TEAD4: variants seen among roughly 807,000 people sequenced by gnomAD.
TEAD4 encodes the protein TEA domain transcription factor 4.
Under a neutral mutation model 52.4 loss-of-function variants are expected in TEAD4, and 36 were observed. The ratio of observed to expected loss-of-function variants is 0.69; its 90% CI spans 0.53 to 0.91. The LOEUF is 0.91. Among genes scored for constraint, TEAD4 ranks in the 40% least tolerant of loss-of-function variants. The pLI, the probability that TEAD4 is intolerant of heterozygous loss-of-function variation, is 0.00. For synonymous variants in TEAD4, 220 were observed against 231.0 expected, an observed-to-expected ratio of 0.95 and a Z score of 0.43; for missense variants, 508 against 583.9, an observed-to-expected ratio of 0.87 and a Z score of 1.34.
At chr12:3,000,705 G>A (rs1001370951) in intron 3 of TEAD4, among the ~76,000 whole-genome samples, 2 of 152,168 alleles carry the variant, frequency 1.3e-5, no homozygotes, top group African/African-American at 4.8e-5. Context: ...TCAGTCTAGA[G>A]GCGAGACTTC....
chr12:2,982,420 T>G (rs1184573923), intron 2 of TEAD4, among the ~76,000 whole-genome samples: 1 of 152,186 alleles, frequency 6.6e-6, no homozygotes, highest in Non-Finnish European at 1.5e-5. Context: ...TTTTTACTCT[T>G]CTGTTCACAG....
intron 2 of TEAD4, among the ~76,000 whole-genome samples, chr12:2,986,652 A>C (rs926171927): frequency 6.6e-6 from 1 of 150,656 alleles, no homozygotes. Flanking sequence ...AAAATAAAAA[A>C]AAATAAATAA....
chr12:2,963,158 A>G (rs2098217275), intron 2 of TEAD4, among the ~76,000 whole-genome samples: 1 of 152,200 alleles, frequency 6.6e-6, no homozygotes, highest in Non-Finnish European at 1.5e-5. Context: ...ATGAGCCGGC[A>G]GGTGAAGGTT....
At chr12:2,992,380 C>T (rs2098243851) in intron 2 of TEAD4, among the ~76,000 whole-genome samples, 1 of 152,120 alleles carries the variant, frequency 6.6e-6, no homozygotes, top group African/African-American at 2.4e-5. Context: ...GTGCCAGCTG[C>T]TTTGCCAAGC....
chr12:2,965,547 T>C (rs2098219538), intron 2 of TEAD4, among the ~76,000 whole-genome samples: 3 of 151,760 alleles, frequency 2.0e-5, no homozygotes, highest in Admixed American at 1.3e-4. Context: ...TCAAAAATAA[T>C]TTCAGTGTAA....
chr12:2,970,046 C>T (rs1208506461), intron 2 of TEAD4, among the ~76,000 whole-genome samples: 3 of 151,940 alleles, frequency 2.0e-5, no homozygotes, highest in African/African-American at 4.8e-5. Flanking sequence ...GGCAACATAG[C>T]GAGAACCCTG....
rs1017554433 is a variant in TEAD4 at position 3,002,083 on chromosome 12, C to T, written c.226+7091C>T. Among the ~76,000 whole-genome samples, 56 of 152,316 alleles carry T rather than the reference C, an allele frequency of 3.7e-4. 1 individual carries two copies. The highest frequency in any genetic ancestry group is 1.3e-3 in the African/African-American group (52 of 41,574). On this transcript the variant is annotated intron_variant, in intron 3 of 12. Transcript: ENST00000359864. Reference sequence around the variant, plus strand: ...CTCCATCCTGGATGACAGAGTGAGACTCCATCTCAAAAAGAAAAAAATGTA... The same window carrying T: ...CTCCATCCTGGATGACAGAGTGAGATTCCATCTCAAAAAGAAAAAAATGTA...
rs779726504 is a variant in TEAD4 at position 3,037,993 on chromosome 12, A to T, written c.923A>T (p.Asp308Val). 1.7e-5 allele frequency: 27 copies of T among 1,613,896 alleles called. 1 individual carries two copies. The highest frequency in any genetic ancestry group is 3.3e-4 in the Middle Eastern group (2 of 6,060). The change falls in exon 11 of 13, where the codon GAT (aspartate) becomes GTT (valine). Residue 308 changes from aspartate (D) to valine (V), a missense_variant. Transcript: ENST00000359864. Reference sequence around the variant, plus strand: ...GCAGACCTCAACACCAACATCGAGGATGAAGGCAGCTCCTTCTATGGGGTC... The same window carrying T: ...GCAGACCTCAACACCAACATCGAGGTTGAAGGCAGCTCCTTCTATGGGGTC...
intron 2 of TEAD4, among the ~76,000 whole-genome samples, chr12:2,966,305 G>A (rs375034073): frequency 5.9e-5 from 9 of 152,106 alleles, no homozygotes; most frequent in South Asian, 4.1e-4. Context: ...AGAGGTCCCC[G>A]TGATGTGCCG....
At chr12:3,034,627 AT>A (rs1014773790) in intron 10 of TEAD4, among the ~76,000 whole-genome samples, 9 of 152,110 alleles carry the variant, frequency 5.9e-5, no homozygotes, top group African/African-American at 2.2e-4. Flanking sequence ...GTGAATATGC[AT>A]TTTTTTAAAT....
chr12:3,010,945 C>G lies in TEAD4; in HGVS notation c.227-59C>G, dbSNP rs1469195754. On this transcript the variant is annotated intron_variant, in intron 3 of 12. Coordinates refer to ENST00000359864, the MANE Select transcript of TEAD4 (RefSeq NM_003213.4). ...CTCCGCAGAAGGTACCCCGCACCCC[C>G]TCACTGCTTCCAGCCTTTTGTCCTT... 4.4e-6 allele frequency: 7 copies of G among 1,602,858 alleles called. No individual in the cohort carries two copies. The Admixed American group carries it at 8.4e-5, about 19-fold the overall frequency.
intron 3 of TEAD4, among the ~76,000 whole-genome samples, chr12:2,996,700 G>A (rs928035380): frequency 3.9e-5 from 6 of 151,914 alleles, no homozygotes; most frequent in Non-Finnish European, 5.9e-5. Context: ...GTGAGCCACC[G>A]CACCCAGCTT....
chr12:3,025,238 G>A (rs540114758), intron 10 of TEAD4, among the ~76,000 whole-genome samples: 1 of 152,278 alleles, frequency 6.6e-6, no homozygotes, highest in South Asian at 2.1e-4. Context: ...CACTGCGCCC[G>A]GCCTGAGCAT....
At chr12:2,995,261 C>T (rs1049964377) in intron 3 of TEAD4, among the ~76,000 whole-genome samples, 1 of 152,128 alleles carries the variant, frequency 6.6e-6, no homozygotes, top group Non-Finnish European at 1.5e-5. Flanking sequence ...TAGAACATCC[C>T]CCCAGAGCAG....
chr12:2,985,501 C>CTTTTTTTT (rs560522260), intron 2 of TEAD4, among the ~76,000 whole-genome samples: 2 of 83,014 alleles, frequency 2.4e-5, no homozygotes, highest in Non-Finnish European at 2.1e-5. Context: ...TTTACAAAAT[C>CTTTTTTTT]TTTTTTTTTT....
At position 3,023,652 on chromosome 12, in the gene TEAD4, G is replaced by A. The variant is rs562940562; in HGVS notation, c.897+1635G>A. On this transcript the variant is annotated intron_variant, in intron 10 of 12. Coordinates refer to ENST00000359864, the MANE Select transcript of TEAD4 (RefSeq NM_003213.4). ...AAAAAAAAAAAAAAATTAGACAGGCGTGGTGGCACACGCCTGTAATCCCAG... is the reference window on the plus strand; with the variant it reads ...AAAAAAAAAAAAAAATTAGACAGGCATGGTGGCACACGCCTGTAATCCCAG... Among the ~76,000 whole-genome samples the A allele has an allele frequency of 2.3e-3, 356 of 151,534 alleles. 2 individuals carry two copies. Among genetic ancestry groups the A allele is most frequent in the Non-Finnish European group, 3.1e-3 (211 of 67,860 alleles).
Position 2,981,183 on chromosome 12 carries a change from C to T in TEAD4, c.-29-13555C>T, listed in dbSNP as rs542844641. On this transcript the variant is annotated intron_variant, in intron 2 of 12. Transcript: ENST00000359864. The stretch of plus-strand genomic sequence containing the variant: ...TCCAGGGCACCTCTTTGACACTCAG[C>T]CCTCCCACAAGTGCTGGGCTGCCTG... Among the ~76,000 whole-genome samples the T allele has an allele frequency of 1.3e-4, 20 of 152,322 alleles. No homozygotes were observed. The South Asian group carries it at 3.9e-3, about 30-fold the overall frequency.
At chr12:2,998,627 C>G (rs1751447121) in intron 3 of TEAD4, among the ~76,000 whole-genome samples, 2 of 151,918 alleles carry the variant, frequency 1.3e-5, no homozygotes, top group South Asian at 4.2e-4. Context: ...TCCTGGGCAT[C>G]TGTGATCTTT....
intron 5 of TEAD4, among the ~76,000 whole-genome samples, chr12:3,015,354 T>C (rs1053302040): frequency 6.6e-6 from 1 of 152,220 alleles, no homozygotes; most frequent in Non-Finnish European, 1.5e-5. Context: ...TTCATCTTAA[T>C]GATCCTACAA....
Sources: gnomAD v4.1 joint callset for allele counts (sites outside exome capture counted in the v4.1 genomes callset) on GRCh38, gnomAD v4.1.1 for gene constraint, MANE v1.5 for transcripts, NCBI Gene and HGNC (gene_info 2026-07-23, HGNC 2026-07-21) for gene names.